Variants in SNTG1 observed in about 807,000 individuals in gnomAD.
The protein encoded by SNTG1 is gamma-1-syntrophin.
In SNTG1, 39 loss-of-function variants were observed where a neutral mutation model predicts 74.7. The ratio of observed to expected loss-of-function variants is 0.52; its 90% CI spans 0.40 to 0.68. The LOEUF (loss-of-function observed/expected upper bound fraction) is 0.68, where lower values mean the gene tolerates loss of function less well. Among genes scored for constraint, SNTG1 ranks in the 30% least tolerant of loss-of-function variants. The pLI is 0.00. For synonymous variants in SNTG1, 254 were observed against 217.1 expected (o/e 1.17, Z -1.49); for missense variants, 685 against 609.5 (o/e 1.12, Z -1.30).
At chr8:50,300,767 C>G (rs1460825612) in intron 2 of SNTG1, among the ~76,000 whole-genome samples, 5 of 152,122 alleles carry the variant, frequency 3.3e-5, no homozygotes, top group Admixed American at 3.3e-4. Flanking sequence ...CAGGTGCTAG[C>G]AACAAATTTT....
intron 2 of SNTG1, among the ~76,000 whole-genome samples, chr8:50,264,203 A>T (rs1325795891): frequency 6.6e-6 from 1 of 152,198 alleles, no homozygotes; most frequent in East Asian, 1.9e-4. Context: ...AAAACACTAC[A>T]TTATAGCTGT....
chr8:50,429,458 C>T (rs954589010), intron 4 of SNTG1, among the ~76,000 whole-genome samples: 1 of 152,056 alleles, frequency 6.6e-6, no homozygotes, highest in Admixed American at 6.6e-5. Context: ...TGAACCCTAC[C>T]TCACACCACA....
chr8:49,970,801 G>A (rs1811593794), intron 1 of SNTG1, among the ~76,000 whole-genome samples: 2 of 152,100 alleles, frequency 1.3e-5, no homozygotes, highest in South Asian at 2.1e-4. Context: ...CTCTGGTTAG[G>A]GAATGATGCC....
At chr8:50,150,416 A>AC (rs2082026012) in intron 1 of SNTG1, among the ~76,000 whole-genome samples, 1 of 152,142 alleles carries the variant, frequency 6.6e-6, no homozygotes, top group South Asian at 2.1e-4. Flanking sequence ...CCTGGCCAGA[A>AC]CTTCCAACAC....
At chr8:50,079,644 T>A (rs943989694) in intron 1 of SNTG1, among the ~76,000 whole-genome samples, 16 of 152,308 alleles carry the variant, frequency 1.1e-4, no homozygotes, top group Admixed American at 2.6e-4. Flanking sequence ...TGCTCATGCC[T>A]ATGTCCTAAG....
intron 1 of SNTG1, among the ~76,000 whole-genome samples, chr8:50,103,621 G>A (rs2080240549): frequency 6.6e-6 from 1 of 152,162 alleles, no homozygotes; most frequent in African/African-American, 2.4e-5. Context: ...GTGAGAGAGG[G>A]CATCCCTGTC....
At chr8:50,619,273 A>G (rs1400907091) in intron 13 of SNTG1, among the ~76,000 whole-genome samples, 7 of 152,226 alleles carry the variant, frequency 4.6e-5, no homozygotes, top group African/African-American at 1.2e-4. Context: ...TTTTTATGAT[A>G]GTAATAGCAA....
chr8:50,785,979 A>G (rs2095673884), intron 18 of SNTG1, among the ~76,000 whole-genome samples: 1 of 152,030 alleles, frequency 6.6e-6, no homozygotes, highest in African/African-American at 2.4e-5. Flanking sequence ...AGTATACTGA[A>G]GAAAACTAAG....
At chr8:50,394,753 G>A (rs1476820431) in intron 3 of SNTG1, among the ~76,000 whole-genome samples, 1 of 151,978 alleles carries the variant, frequency 6.6e-6, no homozygotes, top group African/African-American at 2.4e-5. Flanking sequence ...AGTATTTCAA[G>A]GATGATAAAC....
chr8:50,431,024 T>C (rs958672697), intron 4 of SNTG1, among the ~76,000 whole-genome samples: 1 of 152,190 alleles, frequency 6.6e-6, no homozygotes, highest in Non-Finnish European at 1.5e-5. Flanking sequence ...CCTTACTTCA[T>C]TTCCACAGTG....
rs774944989 is a variant in SNTG1, at chr8:50,794,983, G to A, written c.*2154G>A. On this transcript the variant is annotated 3_prime_UTR_variant, in exon 19 of 19. Transcript: ENST00000642720. ...TCATGTGTGTTACGAAGGAAAAGGT[G>A]CACAATGAGATATGTATAAATATAT... 1 of 151,860 alleles carries A rather than the reference G, an allele frequency of 6.6e-6. No individual in the cohort carries two copies. The highest frequency in any genetic ancestry group is 2.4e-5 in the African/African-American group (1 of 41,370). 9.4% of individuals were successfully genotyped at this position (151,860 alleles called of 1,614,324 possible).
At chr8:50,169,654 C>A (rs943371303) in intron 1 of SNTG1, among the ~76,000 whole-genome samples, 7 of 152,144 alleles carry the variant, frequency 4.6e-5, no homozygotes, top group Admixed American at 6.5e-5. Context: ...ATTAACCTAC[C>A]ATTTTTAGAT....
chr8:50,734,560 A>C (rs1362124876), intron 17 of SNTG1, among the ~76,000 whole-genome samples: 1 of 150,168 alleles, frequency 6.7e-6, no homozygotes, highest in Non-Finnish European at 1.5e-5. Context: ...ATTTGCTTTG[A>C]ATGGATTTTG....
chr8:50,367,288 C>T (rs957943160), intron 2 of SNTG1, among the ~76,000 whole-genome samples: 1 of 151,526 alleles, frequency 6.6e-6, no homozygotes, highest in East Asian at 1.9e-4. Flanking sequence ...AAGAAGTCTA[C>T]CAAAGTCTAT....
chr8:50,595,801 T>C (rs1484082847), intron 13 of SNTG1, among the ~76,000 whole-genome samples: 1 of 152,042 alleles, frequency 6.6e-6, no homozygotes. Context: ...CGTGCATCAA[T>C]CCATCATTCT....
intron 2 of SNTG1, among the ~76,000 whole-genome samples, chr8:50,271,567 T>C (rs1002731069): frequency 6.6e-6 from 1 of 152,206 alleles, no homozygotes; most frequent in African/African-American, 2.4e-5. Context: ...TATAGATTTC[T>C]TATAACTATT....
intron 17 of SNTG1, among the ~76,000 whole-genome samples, chr8:50,733,614 T>C (rs2095518377): frequency 6.6e-6 from 1 of 151,988 alleles, no homozygotes; most frequent in East Asian, 1.9e-4. Flanking sequence ...ATTTTAATAA[T>C]AGCCATTTTG....
intron 8 of SNTG1, among the ~76,000 whole-genome samples, chr8:50,485,143 G>C (rs1250180404): frequency 6.6e-6 from 1 of 152,130 alleles, no homozygotes; most frequent in African/African-American, 2.4e-5. Flanking sequence ...TGGTCTCTGA[G>C]ATATGACCAA....
chr8:50,078,860 G>C (rs1012138712), intron 1 of SNTG1, among the ~76,000 whole-genome samples: 25 of 152,124 alleles, frequency 1.6e-4, no homozygotes, highest in African/African-American at 6.0e-4. Flanking sequence ...ATGGTTTCCA[G>C]CTTCTTCCAT....
Sources: allele counts gnomAD v4.1 joint callset (sites outside exome capture counted in the v4.1 genomes callset), GRCh38; gene constraint gnomAD v4.1.1; transcripts MANE v1.5; gene names NCBI Gene and HGNC (gene_info 2026-07-23, HGNC 2026-07-21).